The following MTUS2 variants were observed in gnomAD, a reference collection of about 807,000 sequenced individuals.
MTUS2 encodes the protein microtubule associated scaffold protein 2, also known as microtubule-associated tumor suppressor candidate 2.
Under a neutral mutation model 114.1 loss-of-function variants are expected in MTUS2, and 40 were observed. That is an observed-to-expected ratio of 0.35 (90% CI 0.27 to 0.46). MTUS2 has a LOEUF of 0.46. Among genes scored for constraint, MTUS2 ranks in the 20% least tolerant of loss-of-function variants. MTUS2 has a pLI of 1.00. For synonymous variants in MTUS2, 688 were observed against 672.0 expected, an observed-to-expected ratio of 1.02 and a Z score of -0.37; for missense variants, 1,679 against 1,705.4, an observed-to-expected ratio of 0.98 and a Z score of 0.27.
At chr13:29,235,144 T>C (rs1378506544) in intron 5 of MTUS2, among the ~76,000 whole-genome samples, 1 of 152,170 alleles carries the variant, frequency 6.6e-6, no homozygotes, top group African/African-American at 2.4e-5. Flanking sequence ...TTGCCCAGGC[T>C]GGAGTGCAGT....
chr13:28,992,317 G>A (rs1451182758), intron 2 of MTUS2, among the ~76,000 whole-genome samples: 1 of 152,204 alleles, frequency 6.6e-6, no homozygotes, highest in Non-Finnish European at 1.5e-5. Flanking sequence ...TTCAACAAAT[G>A]TTTTTTCCAT....
rs746297345 is a variant in MTUS2 at position 29,026,746 on chromosome 13, A to G, written c.2048A>G (p.Lys683Arg). ...TCTMPLPHEE[K>R]AAGGDLKPSA... ...ACCATGCCTCTTCCCCACGAAGAGAAGGCAGCAGGTGGTGACCTGAAGCCA... is the reference window on the plus strand; with the variant it reads ...ACCATGCCTCTTCCCCACGAAGAGAGGGCAGCAGGTGGTGACCTGAAGCCA... The change falls in exon 3 of 16, where the codon AAG becomes AGG. Residue 683 changes from lysine (K) to arginine (R), a missense_variant. Physicochemically the swap from Lys to Arg is conservative, Grantham distance 26. Transcript: ENST00000612955. The G allele has an allele frequency of 1.2e-6, 2 of 1,613,978 alleles. No homozygotes were observed. Among genetic ancestry groups the G allele is most frequent in the South Asian group, 1.1e-5 (1 of 91,084 alleles).
rs760477946 is a variant in MTUS2, at chr13:29,281,822, C to T, written c.2763C>T (p.Arg921=). Residue 921 remains arginine, a synonymous_variant, in exon 6 of 16, where the codon CGC becomes CGT. Coordinates refer to ENST00000612955, the MANE Select transcript of MTUS2 (RefSeq NM_001033602.4). ...CATCCTCCAGTGTGACAGCACCCCG[C>T]AGGAGTTTACTTCCAGCGCCAAAAT... The part of the protein sequence containing the change: ...PPASSSVTAP[R]RSLLPAPKST... The T allele has an allele frequency of 6.8e-6, 11 of 1,609,320 alleles. No homozygotes were observed. The South Asian group carries it at 1.1e-4, about 16-fold the overall frequency.
intron 8 of MTUS2, among the ~76,000 whole-genome samples, chr13:29,382,561 G>A (rs564065247): frequency 6.6e-6 from 1 of 152,302 alleles, no homozygotes; most frequent in African/African-American, 2.4e-5. Flanking sequence ...TACGAACTGA[G>A]TTCTTAGACT....
chr13:29,392,772 T>C (rs1873609266), intron 8 of MTUS2, among the ~76,000 whole-genome samples: 1 of 152,114 alleles, frequency 6.6e-6, no homozygotes, highest in Admixed American at 6.5e-5. Flanking sequence ...AGTTTCAACC[T>C]GGGATAATAA....
intron 2 of MTUS2, among the ~76,000 whole-genome samples, chr13:29,013,784 A>ACACG (rs59195848): frequency 6.6e-6 from 1 of 152,090 alleles, no homozygotes; most frequent in Non-Finnish European, 1.5e-5. Context: ...ACACACACAC[A>ACACG]TACGTGCACA....
At chr13:29,368,501 C>T (rs747632205) in intron 8 of MTUS2, among the ~76,000 whole-genome samples, 1 of 152,052 alleles carries the variant, frequency 6.6e-6, no homozygotes, top group Non-Finnish European at 1.5e-5. Context: ...GAAACATTTC[C>T]ACCACAAAGA....
chr13:29,373,997 C>T (rs577992508), intron 8 of MTUS2, among the ~76,000 whole-genome samples: 2 of 151,876 alleles, frequency 1.3e-5, no homozygotes, highest in African/African-American at 2.4e-5. Flanking sequence ...TGAAATTCTT[C>T]AAAGAAAGAT....
intron 4 of MTUS2, among the ~76,000 whole-genome samples, chr13:29,048,235 C>G (rs574652388): frequency 6.6e-6 from 1 of 152,068 alleles, no homozygotes; most frequent in Non-Finnish European, 1.5e-5. Flanking sequence ...TTTTTATGTT[C>G]CTTGTCTTAC....
chr13:29,421,569 C>A (rs1364802723), intron 8 of MTUS2, among the ~76,000 whole-genome samples: 1 of 152,154 alleles, frequency 6.6e-6, no homozygotes, highest in Admixed American at 6.5e-5. Context: ...TCCTGCATTG[C>A]CCTAGGAAAT....
intron 5 of MTUS2, among the ~76,000 whole-genome samples, chr13:29,142,047 A>G (rs979821034): frequency 6.6e-6 from 1 of 151,806 alleles, no homozygotes; most frequent in African/African-American, 2.4e-5. Context: ...TTTTTAGTAG[A>G]TACGGGGTTT....
intron 2 of MTUS2, among the ~76,000 whole-genome samples, chr13:28,890,813 T>C (rs1878875174): frequency 1.3e-5 from 2 of 152,210 alleles, no homozygotes; most frequent in South Asian, 2.1e-4. Flanking sequence ...AATTGTTGCC[T>C]ACATTGCCCT....
At chr13:28,834,379 G>A (rs777636123) in intron 1 of MTUS2, among the ~76,000 whole-genome samples, 16 of 152,056 alleles carry the variant, frequency 1.1e-4, no homozygotes, top group Non-Finnish European at 2.2e-4. Flanking sequence ...GCAAACCCTT[G>A]CATTTTTTAT....
At chr13:29,164,698 AAG>A (rs1335077784) in intron 5 of MTUS2, among the ~76,000 whole-genome samples, 2 of 152,224 alleles carry the variant, frequency 1.3e-5, no homozygotes, top group Non-Finnish European at 2.9e-5. Context: ...GCATATTAAA[AAG>A]AGTGTGCTTT....
intron 5 of MTUS2, among the ~76,000 whole-genome samples, chr13:29,199,892 G>T (rs181532984): frequency 6.6e-6 from 1 of 152,106 alleles, no homozygotes; most frequent in Non-Finnish European, 1.5e-5. Context: ...TCTATTCGGG[G>T]ATTTGACTTC....
At chr13:28,943,746 A>G (rs1023447978) in intron 2 of MTUS2, among the ~76,000 whole-genome samples, 1 of 152,154 alleles carries the variant, frequency 6.6e-6, no homozygotes, top group Non-Finnish European at 1.5e-5. Context: ...AAGCAGTTCA[A>G]TATGGCAAGA....
intron 8 of MTUS2, among the ~76,000 whole-genome samples, chr13:29,374,242 C>G (rs528782103): frequency 1.3e-5 from 2 of 152,194 alleles, no homozygotes; most frequent in Middle Eastern, 3.4e-3. Flanking sequence ...AATAGGCGTT[C>G]CAGAGAGAAG....
chr13:29,061,314 A>G lies in MTUS2; in HGVS notation c.2446+27189A>G, dbSNP rs1230611717. 2.6e-5 allele frequency among the ~76,000 whole-genome samples: 4 copies of G among 152,284 alleles called. No individual in the cohort carries two copies. The East Asian group carries it at 7.7e-4, about 29-fold the overall frequency. The stretch of plus-strand genomic sequence containing the variant: ...GAGCTGATTTCTGAAGTCTCTGTTG[A>G]GTACCTGTGTATTCAACAAGATGTC... On this transcript the variant is annotated intron_variant, in intron 4 of 15. Coordinates refer to ENST00000612955, the MANE Select transcript of MTUS2 (RefSeq NM_001033602.4).
At chr13:29,483,401 A>G (rs1012859437) in intron 10 of MTUS2, among the ~76,000 whole-genome samples, 2 of 152,248 alleles carry the variant, frequency 1.3e-5, no homozygotes, top group South Asian at 4.1e-4. Context: ...GCCATCTCAC[A>G]GGGCATGGGC....
Sources: allele counts gnomAD v4.1 joint callset (sites outside exome capture counted in the v4.1 genomes callset), GRCh38; gene constraint gnomAD v4.1.1; transcripts MANE v1.5; gene names NCBI Gene and HGNC (gene_info 2026-07-23, HGNC 2026-07-21).